BRINP3: variants seen among roughly 807,000 people sequenced by gnomAD.
BRINP3 encodes the protein BMP/retinoic acid-inducible neural-specific protein 3.
BRINP3 carries 19 observed loss-of-function variants against 71.0 expected under a neutral mutation model. The observed-to-expected ratio is 0.27, with a 90% CI of 0.19 to 0.39. The LOEUF is 0.39. Among genes scored for constraint, BRINP3 ranks in the 10% least tolerant of loss-of-function variants. The probability of loss-of-function intolerance (pLI) is 1.00; values close to 1 mark genes in which losing one functional copy is unlikely to be tolerated. For missense variants in BRINP3, 959 were observed against 940.8 expected (o/e 1.02, Z -0.25); for synonymous variants, 380 against 337.7 (o/e 1.13, Z -1.37).
intron 7 of BRINP3, among the ~76,000 whole-genome samples, chr1:190,129,791 T>C (rs1351457489): frequency 6.6e-6 from 1 of 151,980 alleles, no homozygotes; most frequent in African/African-American, 2.4e-5. Flanking sequence ...GCTATTTGCA[T>C]GCTGTACTTC....
At chr1:190,477,247 G>A (rs1465657367) in intron 1 of BRINP3, among the ~76,000 whole-genome samples, 7 of 152,118 alleles carry the variant, frequency 4.6e-5, no homozygotes, top group African/African-American at 1.2e-4. Flanking sequence ...GGTAATACAT[G>A]GGATATTGGG....
intron 2 of BRINP3, among the ~76,000 whole-genome samples, chr1:190,299,394 A>G (rs1664498751): frequency 6.6e-6 from 1 of 151,106 alleles, no homozygotes; most frequent in African/African-American, 2.4e-5. Context: ...CTCTTGAGTT[A>G]CTTGAATAGT....
chr1:190,126,240 T>C (rs893693805), intron 7 of BRINP3, among the ~76,000 whole-genome samples: 1 of 151,988 alleles, frequency 6.6e-6, no homozygotes, highest in Non-Finnish European at 1.5e-5. Context: ...AATAAATCAT[T>C]AAAAGTAAAT....
chr1:190,377,165 C>A lies in BRINP3; in HGVS notation c.236+77490G>T, dbSNP rs139277694. Among the ~76,000 whole-genome samples the A allele has an allele frequency of 1.1e-3, 172 of 151,916 alleles. 4 individuals carry two copies. In the East Asian group the frequency reaches 0.033, roughly 29 times the overall value. The stretch of plus-strand genomic sequence containing the variant: ...TGCACCTCTAAAGCACATGCCTAAC[C>A]ACCCCTGTACATGCTAGAAATACTG... On this transcript the variant is annotated intron_variant, in intron 2 of 7. Transcript: ENST00000367462.
chr1:190,455,433 G>A (rs1222158673), intron 1 of BRINP3, among the ~76,000 whole-genome samples: 2 of 151,876 alleles, frequency 1.3e-5, no homozygotes, highest in Non-Finnish European at 2.9e-5. Context: ...GTGGATTTAA[G>A]AATACATAAA....
At chr1:190,208,203 C>G (rs1655683350) in intron 6 of BRINP3, among the ~76,000 whole-genome samples, 2 of 151,976 alleles carry the variant, frequency 1.3e-5, no homozygotes, top group Middle Eastern at 3.4e-3. Flanking sequence ...AGCTATCCAC[C>G]CAACACGGCT....
chr1:190,208,430 C>T (rs145952940), intron 6 of BRINP3, among the ~76,000 whole-genome samples: 2 of 151,994 alleles, frequency 1.3e-5, no homozygotes, highest in East Asian at 3.9e-4. Flanking sequence ...AATAATAGCA[C>T]TTTATTAAAG....
chr1:190,192,653 C>T (rs929936400), intron 6 of BRINP3, among the ~76,000 whole-genome samples: 5 of 151,674 alleles, frequency 3.3e-5, no homozygotes, highest in Non-Finnish European at 5.9e-5. Context: ...CCCTCAAAAA[C>T]ACTGATCCAA....
At chr1:190,470,737 A>G (rs1677081851) in intron 1 of BRINP3, among the ~76,000 whole-genome samples, 1 of 151,176 alleles carries the variant, frequency 6.6e-6, no homozygotes, top group African/African-American at 2.4e-5. Context: ...TCATGGTTGA[A>G]TATAAACATT....
At chr1:190,473,003 C>T (rs1677243632) in intron 1 of BRINP3, among the ~76,000 whole-genome samples, 1 of 151,680 alleles carries the variant, frequency 6.6e-6, no homozygotes, top group Non-Finnish European at 1.5e-5. Flanking sequence ...AGGATGAAAT[C>T]ACGTAATATT....
rs1340163349 is a variant in BRINP3 at position 190,097,836 on chromosome 1, ACTG to A, written c.*179_*181del. 3 of 615,672 alleles carry A rather than the reference ACTG, an allele frequency of 4.9e-6. No individual in the cohort carries two copies. The African/African-American group carries it at 5.5e-5, about 11-fold the overall frequency. 38.1% of individuals were successfully genotyped at this position (615,672 alleles called of 1,614,324 possible). On this transcript the variant is annotated 3_prime_UTR_variant, in exon 8 of 8. Transcript: ENST00000367462. ...GTATTTATGTCATTCATAAACCAAA[ACTG>A]CTGTATAATATATTCATTGTCAGCA...
At chr1:190,465,452 T>C (rs1241446465) in intron 1 of BRINP3, among the ~76,000 whole-genome samples, 1 of 151,960 alleles carries the variant, frequency 6.6e-6, no homozygotes, top group African/African-American at 2.4e-5. Flanking sequence ...GCAAGAATCC[T>C]GCTAAGTCAG....
chr1:190,408,437 T>C (rs980492772), intron 2 of BRINP3, among the ~76,000 whole-genome samples: 1 of 152,124 alleles, frequency 6.6e-6, no homozygotes, highest in Non-Finnish European at 1.5e-5. Context: ...TAATTATGAA[T>C]AATATACAAA....
chr1:190,272,518 TTA>T (rs1662195477), intron 3 of BRINP3, among the ~76,000 whole-genome samples: 1 of 151,476 alleles, frequency 6.6e-6, no homozygotes, highest in Non-Finnish European at 1.5e-5. Flanking sequence ...ACCTGGTGGA[TTA>T]TATGAGTGCA....
chr1:190,175,834 AG>A, intron 6 of BRINP3, among the ~76,000 whole-genome samples: 1 of 152,264 alleles, frequency 6.6e-6, no homozygotes, highest in East Asian at 1.9e-4. Context: ...AACACCCCTT[AG>A]GTGATTAAAA....
At chr1:190,157,610 A>C (rs1352311109) in intron 7 of BRINP3, among the ~76,000 whole-genome samples, 4 of 152,076 alleles carry the variant, frequency 2.6e-5, no homozygotes, top group Non-Finnish European at 5.9e-5. Flanking sequence ...ATGGTTTTCA[A>C]ATTGCTTTTA....
intron 2 of BRINP3, among the ~76,000 whole-genome samples, chr1:190,397,974 G>T (rs1324922114): frequency 6.6e-6 from 1 of 151,818 alleles, no homozygotes; most frequent in Non-Finnish European, 1.5e-5. Context: ...AATTAATATC[G>T]TGTTCAGTGA....
intron 7 of BRINP3, among the ~76,000 whole-genome samples, chr1:190,104,201 C>T (rs762743207): frequency 1.3e-5 from 2 of 151,900 alleles, no homozygotes; most frequent in African/African-American, 2.4e-5. Flanking sequence ...GATACAATAA[C>T]TTTTATTTGT....
chr1:190,314,916 A>G (rs1665780324), intron 2 of BRINP3, among the ~76,000 whole-genome samples: 2 of 152,146 alleles, frequency 1.3e-5, no homozygotes, highest in Admixed American at 1.3e-4. Context: ...AACAAGAAGT[A>G]CTTCCTATAG....
Sources: allele counts gnomAD v4.1 joint callset (sites outside exome capture counted in the v4.1 genomes callset), GRCh38; gene constraint gnomAD v4.1.1; transcripts MANE v1.5; gene names NCBI Gene and HGNC (gene_info 2026-07-23, HGNC 2026-07-21).